Variants in KANSL1 observed in about 807,000 individuals in gnomAD.
The protein encoded by KANSL1 is MLL1/MLL complex subunit KANSL1.
Under a neutral mutation model 103.6 loss-of-function variants are expected in KANSL1, and 22 were observed. The ratio of observed to expected loss-of-function variants is 0.21; its 90% CI spans 0.15 to 0.30. KANSL1 has a LOEUF of 0.30. Among genes scored for constraint, KANSL1 ranks in the 10% least tolerant of loss-of-function variants. The probability of loss-of-function intolerance (pLI) is 1.00; values close to 1 mark genes in which losing one functional copy is unlikely to be tolerated. For synonymous variants in KANSL1, 600 were observed against 527.6 expected (o/e 1.14, Z -1.88); for missense variants, 1,337 against 1,399.8 (o/e 0.96, Z 0.72).
At chr17:46,147,454 G>A (rs2044773181) in intron 2 of KANSL1, among the ~76,000 whole-genome samples, 1 of 151,908 alleles carries the variant, frequency 6.6e-6, no homozygotes, top group East Asian at 1.9e-4. Context: ...TGCGCCTGTA[G>A]TGCCAGCTAC....
intron 2 of KANSL1, among the ~76,000 whole-genome samples, chr17:46,157,933 G>A (rs1265509135): frequency 6.6e-6 from 1 of 152,182 alleles, no homozygotes; most frequent in Non-Finnish European, 1.5e-5. Context: ...AATTTAAAAA[G>A]AAAAACATTT....
intron 4 of KANSL1, among the ~76,000 whole-genome samples, chr17:46,068,271 A>T (rs1315547988): frequency 6.6e-6 from 1 of 152,118 alleles, no homozygotes; most frequent in East Asian, 1.9e-4. Context: ...TTGTTTAAAA[A>T]TATACACACA....
At chr17:46,150,520 CAA>C (rs1346010845) in intron 2 of KANSL1, among the ~76,000 whole-genome samples, 1 of 152,180 alleles carries the variant, frequency 6.6e-6, no homozygotes, top group Non-Finnish European at 1.5e-5. Context: ...ACTTTACAAT[CAA>C]GAGATAAAAA....
At position 46,172,031 on chromosome 17, in the gene KANSL1, C is replaced by T. The variant is rs2046315479; in HGVS notation, c.113G>A (p.Gly38Asp). 3 of 1,614,112 alleles carry T rather than the reference C, an allele frequency of 1.9e-6. No individual in the cohort carries two copies. Among genetic ancestry groups the T allele is most frequent in the Non-Finnish European group, 1.7e-6 (2 of 1,180,062 alleles). The change falls in exon 2 of 15, where the codon GGC (glycine) becomes GAC (aspartate). Residue 38 changes from glycine to aspartate, a missense_variant. By Grantham distance (94) the Gly-to-Asp change is moderately conservative. This residue lies in a region of KANSL1 where 557 missense variants were observed against 476.4 expected (regional missense o/e 1.17). Coordinates refer to ENST00000432791, the MANE Select transcript of KANSL1 (RefSeq NM_015443.4). ...TLSPGSAENN[G>D]NANILIAANG... ...GGCAGCAATAAGGATGTTGGCGTTG[C>T]CGTTATTTTCGGCACTGCCAGGGGA...
intron 2 of KANSL1, among the ~76,000 whole-genome samples, chr17:46,106,114 T>C (rs1051422703): frequency 1.3e-5 from 2 of 152,230 alleles, no homozygotes; most frequent in Admixed American, 1.3e-4. Flanking sequence ...AAACATCTTC[T>C]TTCTCACTTT....
At chr17:46,176,191 C>G (rs2046511462) in intron 1 of KANSL1, among the ~76,000 whole-genome samples, 1 of 152,220 alleles carries the variant, frequency 6.6e-6, no homozygotes, top group Non-Finnish European at 1.5e-5. Flanking sequence ...CAGCTTCCCT[C>G]TGAGGACCCA....
At chr17:46,124,205 C>T (rs2147212817) in intron 2 of KANSL1, among the ~76,000 whole-genome samples, 1 of 152,298 alleles carries the variant, frequency 6.6e-6, no homozygotes, top group African/African-American at 2.4e-5. Flanking sequence ...TGGAGACCAG[C>T]CTGGGCAACA....
upstream of KANSL1, among the ~76,000 whole-genome samples, chr17:46,195,581 T>G (rs1205738969): frequency 6.6e-6 from 1 of 152,238 alleles, no homozygotes; most frequent in East Asian, 1.9e-4. Flanking sequence ...TTTTATTTTT[T>G]TGACAGGGTC....
intron 2 of KANSL1, among the ~76,000 whole-genome samples, chr17:46,139,563 C>G (rs1297072268): frequency 6.6e-6 from 1 of 152,210 alleles, no homozygotes; most frequent in Non-Finnish European, 1.5e-5. Context: ...AGAGGAAACC[C>G]AGCCTTTGGA....
At chr17:46,213,126 G>GT (rs1555597270) in intron 1 of KANSL1, among the ~76,000 whole-genome samples, 1 of 147,800 alleles carries the variant, frequency 6.8e-6, no homozygotes, top group Non-Finnish European at 1.5e-5. Flanking sequence ...CAAGTGCCCA[G>GT]TAAAAAAAAG....
At chr17:46,149,939 G>A (rs1429093176) in intron 2 of KANSL1, among the ~76,000 whole-genome samples, 1 of 151,610 alleles carries the variant, frequency 6.6e-6, no homozygotes, top group Non-Finnish European at 1.5e-5. Context: ...GGAGAATGGT[G>A]TGAACCCAGG....
intron 4 of KANSL1, among the ~76,000 whole-genome samples, chr17:46,073,644 G>C (rs1326013164): frequency 6.6e-6 from 1 of 151,738 alleles, no homozygotes; most frequent in Non-Finnish European, 1.5e-5. Flanking sequence ...AACAATGCGG[G>C]GTGGGGAAAA....
chr17:46,088,449 A>G (rs2079248483), intron 3 of KANSL1: 1 of 152,242 alleles, frequency 6.6e-6, no homozygotes, highest in African/African-American at 2.4e-5. Context: ...AAAATTTTGA[A>G]GAGAAAGGTG....
At chr17:46,111,826 CAT>C (rs1469583171) in intron 2 of KANSL1, among the ~76,000 whole-genome samples, 1 of 152,170 alleles carries the variant, frequency 6.6e-6, no homozygotes, top group African/African-American at 2.4e-5. Context: ...AAGACTTTAG[CAT>C]AATCACTGCA....
chr17:46,165,985 T>TCA (rs76475392), intron 2 of KANSL1, among the ~76,000 whole-genome samples: 1 of 150,998 alleles, frequency 6.6e-6, no homozygotes. Context: ...CCAAGGTGGG[T>TCA]GGATTACCTG....
Position 46,171,932 on chromosome 17 carries a change from T to C in KANSL1, c.212A>G (p.Asp71Gly), listed in dbSNP as rs760569533. ...LDFRNNPTKE[D>G]LGKLQPLVAS... ...CACCAGTGGTTGCAGCTTTCCCAAG[T>C]CTTCCTTGGTAGGATTATTTCGGAA... The change falls in exon 2 of 15, where the codon GAC becomes GGC. Residue 71 changes from aspartate (D) to glycine (G), a missense_variant. Around this residue, in one of 2 missense-constraint regions of KANSL1, gnomAD observed 557 missense variants for 476.4 expected, o/e 1.17. Transcript: ENST00000432791. The C allele has an allele frequency of 6.2e-7, 1 of 1,614,280 alleles. No individual in the cohort carries two copies. Among genetic ancestry groups the C allele is most frequent in the South Asian group, 1.1e-5 (1 of 91,092 alleles).
intron 2 of KANSL1, among the ~76,000 whole-genome samples, chr17:46,124,811 GA>G (rs1301150552): frequency 6.6e-6 from 1 of 151,912 alleles, no homozygotes; most frequent in Admixed American, 6.6e-5. Context: ...ATTAGAAATA[GA>G]GCCTGAAGAT....
chr17:46,103,446 T>C (rs561072645), intron 2 of KANSL1, among the ~76,000 whole-genome samples: 1 of 152,332 alleles, frequency 6.6e-6, no homozygotes, highest in African/African-American at 2.4e-5. Context: ...TTTAAGAATA[T>C]ATACCAGTAT....
chr17:46,124,603 G>A (rs147282218), intron 2 of KANSL1, among the ~76,000 whole-genome samples: 3 of 152,272 alleles, frequency 2.0e-5, no homozygotes, highest in Non-Finnish European at 4.4e-5. Context: ...ATGAATCTGG[G>A]CAAAGTAAAT....
Sources: gnomAD v4.1 joint callset for allele counts (sites outside exome capture counted in the v4.1 genomes callset) on GRCh38, gnomAD v4.1.1 for gene constraint, gnomAD v4.1.1 regional missense constraint, MANE v1.5 for transcripts, NCBI Gene and HGNC (gene_info 2026-07-23, HGNC 2026-07-21) for gene names.